The following PRKCA variants were observed in gnomAD, a reference collection of about 807,000 sequenced individuals.
PRKCA encodes protein kinase C alpha, also known as protein kinase C alpha type.
PRKCA carries 27 observed loss-of-function variants against 87.0 expected under a neutral mutation model. The ratio of observed to expected loss-of-function variants is 0.31; its 90% CI spans 0.23 to 0.43. The LOEUF (loss-of-function observed/expected upper bound fraction) is 0.43. PRKCA is among the 20% of genes least tolerant of loss of function. The probability of loss-of-function intolerance (pLI) is 1.00; values close to 1 mark genes in which losing one functional copy is unlikely to be tolerated. For synonymous variants in PRKCA, 329 were observed against 311.1 expected (o/e 1.06, Z -0.61); for missense variants, 518 against 852.3 (o/e 0.61, Z 4.88).
intron 1 of PRKCA, among the ~76,000 whole-genome samples, chr17:66,303,616 C>T (rs1260344033): frequency 6.0e-5 from 9 of 150,728 alleles, no homozygotes; most frequent in Non-Finnish European, 1.5e-5. Flanking sequence ...TCTGAGTGAG[C>T]AGAGAGAGAG....
intron 2 of PRKCA, among the ~76,000 whole-genome samples, chr17:66,404,742 CTTTTTTTTTTTTTT>C (rs773919783): frequency 5.5e-5 from 3 of 54,246 alleles, no homozygotes; most frequent in Admixed American, 3.1e-4. Context: ...GATGGTAGGC[CTTTTTTTTTTTTTT>C]TTTTTTTTTT....
chr17:66,621,719 G>C (rs756430762), intron 3 of PRKCA, among the ~76,000 whole-genome samples: 1 of 152,094 alleles, frequency 6.6e-6, no homozygotes, highest in African/African-American at 2.4e-5. Context: ...TCCAAGAATG[G>C]CAAGCAAAAG....
At chr17:66,315,855 C>T (rs1905288092) in intron 2 of PRKCA, among the ~76,000 whole-genome samples, 1 of 152,216 alleles carries the variant, frequency 6.6e-6, no homozygotes, top group Non-Finnish European at 1.5e-5. Context: ...GATACATGGA[C>T]CTCTGTTTAG....
intron 2 of PRKCA, among the ~76,000 whole-genome samples, chr17:66,446,406 C>A (rs937792829): frequency 6.6e-6 from 1 of 152,198 alleles, no homozygotes; most frequent in African/African-American, 2.4e-5. Context: ...AAACAATTTT[C>A]TTCTTCCTCA....
intron 2 of PRKCA, among the ~76,000 whole-genome samples, chr17:66,467,807 C>A (rs547929949): frequency 6.6e-6 from 1 of 152,198 alleles, no homozygotes; most frequent in African/African-American, 2.4e-5. Context: ...ATCCCCACGC[C>A]TTGGCCTTCC....
intron 16 of PRKCA, among the ~76,000 whole-genome samples, chr17:66,798,468 T>A (rs900454038): frequency 2.5e-5 from 2 of 80,324 alleles, no homozygotes; most frequent in African/African-American, 7.0e-5. Flanking sequence ...GTGGTGGTGG[T>A]GGTGGTGGTG....
intron 8 of PRKCA, among the ~76,000 whole-genome samples, chr17:66,719,229 G>A (rs778208453): frequency 5.3e-5 from 8 of 152,192 alleles, no homozygotes; most frequent in Non-Finnish European, 8.8e-5. Flanking sequence ...ATCAGCTACA[G>A]TAGAGCCGTG....
intron 2 of PRKCA, among the ~76,000 whole-genome samples, chr17:66,315,892 C>T (rs951103200): frequency 1.3e-5 from 2 of 152,144 alleles, no homozygotes; most frequent in African/African-American, 2.4e-5. Context: ...CCCTGCAGGG[C>T]GCAGGACAGA....
intron 3 of PRKCA, among the ~76,000 whole-genome samples, chr17:66,591,036 C>T (rs1442505171): frequency 1.3e-5 from 2 of 152,158 alleles, no homozygotes; most frequent in Non-Finnish European, 2.9e-5. Flanking sequence ...TCTGTAACCT[C>T]AGACAAGTGA....
intron 3 of PRKCA, among the ~76,000 whole-genome samples, chr17:66,574,961 A>G (rs1969190045): frequency 6.6e-6 from 1 of 152,210 alleles, no homozygotes; most frequent in African/African-American, 2.4e-5. Flanking sequence ...GATGTTAGCA[A>G]TCTGGGCATA....
chr17:66,721,061 C>T (rs547925070), intron 8 of PRKCA, among the ~76,000 whole-genome samples: 1 of 152,140 alleles, frequency 6.6e-6, no homozygotes, highest in South Asian at 2.1e-4. Context: ...TGGGGCAAGT[C>T]CACAGAGTAA....
chr17:66,738,196 A>G (rs998150919), intron 10 of PRKCA, among the ~76,000 whole-genome samples: 3 of 152,268 alleles, frequency 2.0e-5, no homozygotes, highest in Non-Finnish European at 4.4e-5. Flanking sequence ...TTACAGATGC[A>G]AAAGAACATT....
chr17:66,397,441 ATGG>A (rs1910762078), intron 2 of PRKCA, among the ~76,000 whole-genome samples: 1 of 151,934 alleles, frequency 6.6e-6, no homozygotes. Context: ...AATTTGTTAG[ATGG>A]TGGATGTGTC....
chr17:66,618,526 A>T (rs1455636999), intron 3 of PRKCA, among the ~76,000 whole-genome samples: 1 of 152,190 alleles, frequency 6.6e-6, no homozygotes, highest in East Asian at 1.9e-4. Context: ...AATTTTTAAA[A>T]CATCACAATT....
At chr17:66,506,051 T>A (rs758746144) in intron 3 of PRKCA, among the ~76,000 whole-genome samples, 1 of 152,214 alleles carries the variant, frequency 6.6e-6, no homozygotes, top group South Asian at 2.1e-4. Flanking sequence ...ATCCCAGCAC[T>A]TTGGGAGGTC....
intron 2 of PRKCA, among the ~76,000 whole-genome samples, chr17:66,421,502 T>C (rs1479489037): frequency 1.2e-5 from 1 of 80,300 alleles, no homozygotes; most frequent in Non-Finnish European, 2.4e-5. Flanking sequence ...TCTGAAATTT[T>C]CTTTCTTCTT....
chr17:66,641,458 A>C lies in PRKCA; in HGVS notation c.392A>C (p.Lys131Thr). ...LLYGLIHQGMKCDTCDMNVHK... is the reference protein window; with the variant it reads ...LLYGLIHQGMTCDTCDMNVHK... The stretch of plus-strand genomic sequence containing the variant: ...TATGGACTTATCCATCAAGGGATGA[A>C]ATGTGACAGTAAGTAAGTTTTCTTT... The change falls in exon 4 of 17, where the codon AAA (lysine) becomes ACA (threonine). Residue 131 changes from lysine to threonine, a missense_variant. Coordinates refer to ENST00000413366, the MANE Select transcript of PRKCA (RefSeq NM_002737.3). 1 of 1,605,426 alleles carries C rather than the reference A, an allele frequency of 6.2e-7. No homozygotes were observed. Among genetic ancestry groups the C allele is most frequent in the South Asian group, 1.1e-5 (1 of 89,548 alleles).
intron 14 of PRKCA, among the ~76,000 whole-genome samples, chr17:66,778,969 A>AT (rs1975136051): frequency 6.6e-6 from 1 of 151,958 alleles, no homozygotes; most frequent in Non-Finnish European, 1.5e-5. Flanking sequence ...CAGTGTTTTC[A>AT]TTCAAATCCC....
Position 66,646,238 on chromosome 17 carries a change from C to T in PRKCA, c.529+727C>T, listed in dbSNP as rs61762407. Among the ~76,000 whole-genome samples the T allele has an allele frequency of 9.4e-3, 1,435 of 152,286 alleles. 16 individuals carry two copies. Among genetic ancestry groups the T allele is most frequent in the Middle Eastern group, 0.017 (5 of 294 alleles). ...TCCAGGGGCCTGGTTACTCCCTCCTCGGGGCTGTTTCTGGGTGGGCTCTGC... is the reference window on the plus strand; with the variant it reads ...TCCAGGGGCCTGGTTACTCCCTCCTTGGGGCTGTTTCTGGGTGGGCTCTGC... On this transcript the variant is annotated intron_variant, in intron 5 of 16. Transcript: ENST00000413366.
Sources: gnomAD v4.1 joint callset for allele counts (sites outside exome capture counted in the v4.1 genomes callset) on GRCh38, gnomAD v4.1.1 for gene constraint, MANE v1.5 for transcripts, NCBI Gene and HGNC (gene_info 2026-07-23, HGNC 2026-07-21) for gene names.